The following CABLES2 variants were observed in gnomAD, a reference collection of about 807,000 sequenced individuals.
The protein encoded by CABLES2 is Cdk5 and Abl enzyme substrate 2, also known as CDK5 and ABL1 enzyme substrate 2.
A neutral mutation model predicts 44.8 loss-of-function variants in CABLES2; 35 were observed. The ratio of observed to expected loss-of-function variants is 0.78; its 90% CI spans 0.60 to 1.04. The LOEUF (loss-of-function observed/expected upper bound fraction) is 1.04. Ranked by LOEUF, CABLES2 falls within the 50% of genes least tolerant of loss-of-function variation. The pLI is 0.00. For synonymous variants in CABLES2, 282 were observed against 281.1 expected, an observed-to-expected ratio of 1.00 and a Z score of -0.03; for missense variants, 566 against 615.7, an observed-to-expected ratio of 0.92 and a Z score of 0.85.
rs200977696 is a variant in CABLES2, at chr20:62,396,534, C to T, written c.421G>A (p.Ala141Thr). The change falls in exon 2 of 10, where the codon GCT (alanine) becomes ACT (threonine). Residue 141 changes from alanine (A) to threonine (T), a missense_variant. Ala to Thr is a moderately conservative substitution (Grantham distance 58). Coordinates refer to ENST00000279101, the MANE Select transcript of CABLES2 (RefSeq NM_031215.3). This position sits in a 1 kb window ranked among gnomAD's most constrained non-coding sequence, Gnocchi z 5.7. ...LEFLEDAVGC[A>T]PAQRTKHTSG... ...GGGGGCGTGTACCTCTGTGCTGGAG[C>T]GCATCCCACGGCATCTTCCAGAAAC... 2.1e-5 allele frequency: 34 copies of T among 1,613,692 alleles called. No homozygotes were observed. The highest frequency in any genetic ancestry group is 1.0e-4 in the Admixed American group (6 of 60,002).
At chr20:62,404,021 G>C (rs6089224) in intron 1 of CABLES2, 142,184 of 152,296 alleles carry the variant, frequency 0.93, 66,596 homozygotes, top group African/African-American at 0.98. Context: ...GAGACCCCAT[G>C]TCTGCTAAAA....
At position 62,390,662 on chromosome 20, in the gene CABLES2, T is replaced by C. The variant is rs41312298; in HGVS notation, c.*309A>G. The stretch of plus-strand genomic sequence containing the variant: ...GCTGCTGCACGCTGTGAACAAAAGG[T>C]CCTGGTACCAGGCTGGTCTCAGGCA... On this transcript the variant is annotated 3_prime_UTR_variant, in exon 10 of 10. Coordinates refer to ENST00000279101, the MANE Select transcript of CABLES2 (RefSeq NM_031215.3). 3,716 of 394,656 alleles carry C rather than the reference T, an allele frequency of 9.4e-3. 42 individuals carry two copies. The highest frequency in any genetic ancestry group is 0.046 in the Admixed American group (1,217 of 26,480). The allele number at this position is 394,656 out of a possible 1,614,324, so 24.4% of individuals were successfully genotyped here.
At position 62,399,965 on chromosome 20, in the gene CABLES2, G is replaced by A. The variant is rs1167575086; in HGVS notation, c.363-3373C>T. ...AGTGAAAAAGAACATGGTTGTAGGG[G>A]TACCAAGTACAGTTTGAAGTCAGGA... On this transcript the variant is annotated intron_variant, in intron 1 of 9. Transcript: ENST00000279101. 2.6e-5 allele frequency among the ~76,000 whole-genome samples: 4 copies of A among 152,196 alleles called. No individual in the cohort carries two copies. In the East Asian group the frequency reaches 7.7e-4, roughly 29 times the overall value.
Position 62,390,691 on chromosome 20 carries a change from G to A in CABLES2, c.*280C>T, listed in dbSNP as rs1312289978. 2 of 455,144 alleles carry A rather than the reference G, an allele frequency of 4.4e-6. No individual in the cohort carries two copies. Among genetic ancestry groups the A allele is most frequent in the Non-Finnish European group, 8.0e-6 (2 of 248,508 alleles). The allele number at this position is 455,144 out of a possible 1,614,324, so 28.2% of individuals were successfully genotyped here. On this transcript the variant is annotated 3_prime_UTR_variant, in exon 10 of 10. Transcript: ENST00000279101. Reference sequence around the variant, plus strand: ...GGTACCAGGCTGGTCTCAGGCACGTGAAAAAAATACCAGTAACAAACCTCA... The same window carrying A: ...GGTACCAGGCTGGTCTCAGGCACGTAAAAAAAATACCAGTAACAAACCTCA...
At position 62,397,894 on chromosome 20, in the gene CABLES2, CGGT is replaced by C. The variant is rs1444140995; in HGVS notation, c.363-1305_363-1303del. On this transcript the variant is annotated intron_variant, in intron 1 of 9. Coordinates refer to ENST00000279101, the MANE Select transcript of CABLES2 (RefSeq NM_031215.3). ...AGGGAGCAGTTGGTGGTGGTGATGG[CGGT>C]GGTGGTGATGGTGATGGCAGTGGTG... 5.3e-5 allele frequency among the ~76,000 whole-genome samples: 7 copies of C among 133,222 alleles called. No individual in the cohort carries two copies. In the East Asian group the frequency reaches 1.5e-3, roughly 28 times the overall value. 87.4% of individuals were successfully genotyped at this position (133,222 alleles called of 152,430 possible). A position where few individuals can be genotyped will look rare whatever the true frequency, so the allele number is the denominator to read the frequency against.
chr20:62,401,265 C>A (rs773327604), intron 1 of CABLES2, among the ~76,000 whole-genome samples: 4 of 152,228 alleles, frequency 2.6e-5, no homozygotes, highest in Non-Finnish European at 5.9e-5. Flanking sequence ...CAGGGCAGGG[C>A]GGCCAAGTGG....
chr20:62,392,273 G>T, intron 8 of CABLES2, 116 bp downstream of exon 8: 1 of 772,594 alleles, frequency 1.3e-6, no homozygotes, highest in Non-Finnish European at 2.2e-6. Context: ...GCGAGAGGGG[G>T]TTGGGGATGG....
At position 62,394,229 on chromosome 20, in the gene CABLES2, C is replaced by T. The variant is rs201432490; in HGVS notation, c.642G>A (p.Pro214=). The stretch of plus-strand genomic sequence containing the variant: ...CGGAAGACACAGAGACGCCGCCGGA[C>T]GGGTGCCTCTGCTTCTGGCTGTCCA... ...LRVDSQKQRH[P]SGGVSVSSEM... is the part of the protein sequence containing the mutation. The change falls in exon 5 of 10, where the codon CCG becomes CCA. Residue 214 remains proline, a synonymous_variant. Transcript: ENST00000279101. 8.7e-6 allele frequency: 14 copies of T among 1,613,568 alleles called. No individual in the cohort carries two copies. The highest frequency in any genetic ancestry group is 5.3e-5 in the African/African-American group (4 of 75,056).
Position 62,394,943 on chromosome 20 carries a change from C to T in CABLES2, c.599G>A (p.Arg200Gln), listed in dbSNP as rs373923225. 31 of 1,612,606 alleles carry T rather than the reference C, an allele frequency of 1.9e-5. No homozygotes were observed. The highest frequency in any genetic ancestry group is 2.5e-5 in the Non-Finnish European group (29 of 1,179,854). The change falls in exon 4 of 10, where the codon CGG becomes CAG. Residue 200 changes from arginine (R) to glutamine (Q), a missense_variant. By Grantham distance (43) the Arg-to-Gln change is conservative (BLOSUM62 1). Around this residue, in one of 2 missense-constraint regions of CABLES2, gnomAD observed 436 missense variants for 536.3 expected, o/e 0.81. Transcript: ENST00000279101. ...FSVLPYGEGL[R>Q]ISDLRVDSQK... is the part of the protein sequence containing the mutation. The stretch of plus-strand genomic sequence containing the variant: ...GCAAGCGCTGAGTACTCACCTGATC[C>T]GCAGGCCTTCCCCATAGGGCAGGAC...
chr20:62,405,593 G>A (rs1439598411), intron 1 of CABLES2: 1 of 152,286 alleles, frequency 6.6e-6, no homozygotes, highest in African/African-American at 2.4e-5. Context: ...AGTCTTTGAG[G>A]ACAGAGTGCT....
In CABLES2 at chr20:62,407,097, C is replaced by T; in HGVS notation, c.180G>A (p.Arg60=). The change falls in exon 1 of 10, where the codon CGG becomes CGA. Residue 60 remains arginine (R), a synonymous_variant. Coordinates refer to ENST00000279101, the MANE Select transcript of CABLES2 (RefSeq NM_031215.3). ...CTCCGCCCGGGCCCAGGCTCGGGGG[C>T]CGCCCGTCCAGGGAGATGTTGTTGA... ...FFLNNISLDG[R]PPSLGPGGEK... The T allele has an allele frequency of 1.9e-6, 2 of 1,046,662 alleles. No individual in the cohort carries two copies. Among genetic ancestry groups the T allele is most frequent in the Non-Finnish European group, 1.2e-6 (1 of 868,840 alleles). 64.8% of individuals were successfully genotyped at this position (1,046,662 alleles called of 1,614,324 possible). A position where few individuals can be genotyped will look rare whatever the true frequency, so the allele number is the denominator to read the frequency against.
In CABLES2 at chr20:62,391,666, C is replaced by T. The variant is rs1987921800; in HGVS notation, c.1092-213G>A. On this transcript the variant is annotated intron_variant, in intron 8 of 9. Coordinates refer to ENST00000279101, the MANE Select transcript of CABLES2 (RefSeq NM_031215.3). The surrounding 1 kb of genome is among the most constrained non-coding windows in gnomAD (Gnocchi z 5.7). ...GACCGGCAGGCTGGGTTTTGGCTTCCCCCGTCCCGTGGGTGGGCACCCATG... is the reference window on the plus strand; with the variant it reads ...GACCGGCAGGCTGGGTTTTGGCTTCTCCCGTCCCGTGGGTGGGCACCCATG... 6.6e-6 allele frequency among the ~76,000 whole-genome samples: 1 copy of T among 152,092 alleles called. No homozygotes were observed. The highest frequency in any genetic ancestry group is 2.4e-5 in the African/African-American group (1 of 41,424).
rs755704697 is a variant in CABLES2, at chr20:62,394,203, T to A, written c.668A>T (p.Glu223Val). ...CACACCTTCTAGCTCAAAGACCATC[T>A]CGGAAGACACAGAGACGCCGCCGGA... ...HPSGGVSVSS[E>V]MVFELEGVEL... The change falls in exon 5 of 10, where the codon GAG becomes GTG. Residue 223 changes from glutamate to valine, a missense_variant. Physicochemically the swap from Glu to Val is moderately radical, Grantham distance 121. Around this residue, in one of 2 missense-constraint regions of CABLES2, gnomAD observed 436 missense variants for 536.3 expected, o/e 0.81. Coordinates refer to ENST00000279101, the MANE Select transcript of CABLES2 (RefSeq NM_031215.3). 1 of 1,613,494 alleles carries A rather than the reference T, an allele frequency of 6.2e-7. No homozygotes were observed. The highest frequency in any genetic ancestry group is 1.3e-5 in the African/African-American group (1 of 75,006).
intron 1 of CABLES2, among the ~76,000 whole-genome samples, chr20:62,406,666 CCT>C (rs1307926347): frequency 2.6e-5 from 1 of 37,974 alleles, no homozygotes; most frequent in African/African-American, 3.0e-4. Flanking sequence ...GACCCTGACC[CCT>C]GTGTCCTGGG....
At chr20:62,395,204 C>A (rs993444574) in intron 3 of CABLES2, among the ~76,000 whole-genome samples, 190 bp from the exon 4 acceptor site, 2 of 152,234 alleles carry the variant, frequency 1.3e-5, no homozygotes, top group East Asian at 3.9e-4. Context: ...GCCTGGCCCC[C>A]GCAAGCTCTC....
Position 62,391,204 on chromosome 20 carries a change from G to A in CABLES2, c.1296+45C>T, listed in dbSNP as rs369779909. The A allele has an allele frequency of 2.5e-6, 4 of 1,602,782 alleles. No homozygotes were observed. In the African/African-American group the frequency reaches 5.3e-5, roughly 21 times the overall value. ...CCCATCCCAGCAGTGGCCCTGGCTC[G>A]ATGTCATGACCCTGCCTGCAGTGCC... On this transcript the variant is annotated intron_variant, in intron 9 of 9. Transcript: ENST00000279101. The surrounding 1 kb of genome is among the most constrained non-coding windows in gnomAD (Gnocchi z 5.7).
intron 6 of CABLES2, 66 bp downstream of exon 6, chr20:62,393,374 C>A: frequency 2.7e-6 from 4 of 1,484,210 alleles, no homozygotes; most frequent in South Asian, 1.3e-5. Context: ...CTGCTGCAGT[C>A]CCTGGGCCGT....
rs1987906491 is a variant in CABLES2 at position 62,391,045 on chromosome 20, CCACGAG to C, written c.1357_1362del (p.Leu453_Val454del). The C allele has an allele frequency of 5.0e-6, 8 of 1,614,140 alleles. No homozygotes were observed. The highest frequency in any genetic ancestry group is 5.9e-6 in the Non-Finnish European group (7 of 1,180,028). On this transcript the variant is annotated inframe_deletion, in exon 10 of 10. Coordinates refer to ENST00000279101, the MANE Select transcript of CABLES2 (RefSeq NM_031215.3). The surrounding 1 kb of genome is among the most constrained non-coding windows in gnomAD (Gnocchi z 5.7). The stretch of plus-strand genomic sequence containing the variant: ...GGAAGATACAGGGCCAGCTCCAAGG[CCACGAG>C]CACTGTGAACTCAAACCCTATCAGG...
Position 62,396,020 on chromosome 20 carries a change from G to C in CABLES2, c.527+295C>G, listed in dbSNP as rs1988012185. Among the ~76,000 whole-genome samples, 1 of 152,238 alleles carries C rather than the reference G, an allele frequency of 6.6e-6. No individual in the cohort carries two copies. Among genetic ancestry groups the C allele is most frequent in the African/African-American group, 2.4e-5 (1 of 41,460 alleles). The stretch of plus-strand genomic sequence containing the variant: ...ATCTCACAGCCACACCCGTTTCTGT[G>C]TCTCCAGTTTTCCTTCACGTCAGCA... On this transcript the variant is annotated intron_variant, in intron 3 of 9. Coordinates refer to ENST00000279101, the MANE Select transcript of CABLES2 (RefSeq NM_031215.3). The surrounding 1 kb of genome is among the most constrained non-coding windows in gnomAD (Gnocchi z 5.7).
Sources: allele counts gnomAD v4.1 joint callset (sites outside exome capture counted in the v4.1 genomes callset), GRCh38; gene constraint gnomAD v4.1.1; regional missense constraint gnomAD v4.1.1; non-coding constraint Gnocchi (gnomAD v3.1); transcripts MANE v1.5; gene names NCBI Gene and HGNC (gene_info 2026-07-23, HGNC 2026-07-21).